Variants in ARHGAP26 observed in about 807,000 individuals in gnomAD.
ARHGAP26 encodes Rho GTPase activating protein 26.
In ARHGAP26, 38 loss-of-function variants were observed where a neutral mutation model predicts 104.8. The ratio of observed to expected loss-of-function variants is 0.36; its 90% CI spans 0.28 to 0.48. The LOEUF (loss-of-function observed/expected upper bound fraction) is 0.48. Ranked by LOEUF, ARHGAP26 falls within the 20% of genes least tolerant of loss-of-function variation. ARHGAP26 has a pLI of 0.99. For missense variants in ARHGAP26, 704 were observed against 947.9 expected, an observed-to-expected ratio of 0.74 and a Z score of 3.38; for synonymous variants, 341 against 340.0, an observed-to-expected ratio of 1.00 and a Z score of -0.03.
chr5:143,217,598 A>C (rs914189167), intron 22 of ARHGAP26, among the ~76,000 whole-genome samples: 6 of 152,204 alleles, frequency 3.9e-5, no homozygotes, highest in African/African-American at 1.4e-4. Flanking sequence ...GCACCACTAC[A>C]CAGCAGGCCT....
At chr5:142,773,833 C>G (rs904479761) in intron 1 of ARHGAP26, among the ~76,000 whole-genome samples, 1 of 152,134 alleles carries the variant, frequency 6.6e-6, no homozygotes, top group African/African-American at 2.4e-5. Flanking sequence ...GGCCAAAAAC[C>G]TGTTCTTGGT....
intron 1 of ARHGAP26, among the ~76,000 whole-genome samples, chr5:142,842,564 A>G (rs1248074738): frequency 1.3e-5 from 2 of 152,248 alleles, no homozygotes; most frequent in African/African-American, 4.8e-5. Flanking sequence ...TGTGTCGGGA[A>G]GGACTAGGAG....
intron 1 of ARHGAP26, among the ~76,000 whole-genome samples, chr5:142,788,082 C>T (rs1759031759): frequency 6.6e-6 from 1 of 151,418 alleles, no homozygotes; most frequent in Non-Finnish European, 1.5e-5. Context: ...CTCACTGCAA[C>T]CTCTGCCTTC....
intron 10 of ARHGAP26, among the ~76,000 whole-genome samples, chr5:142,914,313 G>A (rs1054801109): frequency 4.6e-5 from 7 of 152,228 alleles, no homozygotes; most frequent in Non-Finnish European, 7.3e-5. Context: ...GAAATTCGTG[G>A]AAACTAACTG....
intron 1 of ARHGAP26, among the ~76,000 whole-genome samples, chr5:142,832,342 T>C (rs1367092571): frequency 6.6e-6 from 1 of 152,172 alleles, no homozygotes; most frequent in African/African-American, 2.4e-5. Flanking sequence ...TATGATAGGA[T>C]TAGTGTCCTT....
At chr5:143,026,162 G>A (rs1470649595) in intron 12 of ARHGAP26, among the ~76,000 whole-genome samples, 1 of 152,208 alleles carries the variant, frequency 6.6e-6, no homozygotes, top group African/African-American at 2.4e-5. Flanking sequence ...CTCCTGGAAT[G>A]TGGAGACTTT....
intron 11 of ARHGAP26, among the ~76,000 whole-genome samples, chr5:142,998,530 C>A (rs1189400203): frequency 6.6e-6 from 1 of 152,124 alleles, no homozygotes; most frequent in African/African-American, 2.4e-5. Flanking sequence ...TTGCTCAGGT[C>A]CGGTGTGCTT....
intron 1 of ARHGAP26, among the ~76,000 whole-genome samples, chr5:142,782,047 G>A (rs1757626390): frequency 6.6e-6 from 1 of 152,188 alleles, no homozygotes; most frequent in South Asian, 2.1e-4. Context: ...AGATGATCAG[G>A]TGTGGATGAA....
intron 1 of ARHGAP26, among the ~76,000 whole-genome samples, chr5:142,790,283 T>G (rs1404487763): frequency 6.6e-6 from 1 of 152,208 alleles, no homozygotes; most frequent in African/African-American, 2.4e-5. Context: ...CTGAATGACC[T>G]TCCATTCTGG....
intron 1 of ARHGAP26, among the ~76,000 whole-genome samples, chr5:142,827,841 G>A (rs928506865): frequency 6.6e-6 from 1 of 152,224 alleles, no homozygotes; most frequent in Admixed American, 6.5e-5. Flanking sequence ...TCTGGCACAT[G>A]TAAATGCTCA....
chr5:143,183,012 A>G (rs906181193), intron 20 of ARHGAP26, among the ~76,000 whole-genome samples: 2 of 147,514 alleles, frequency 1.4e-5, no homozygotes, highest in South Asian at 2.2e-4. Context: ...CACGTTGACA[A>G]TGGGTTAGCT....
chr5:142,911,060 T>A (rs1761760947), intron 9 of ARHGAP26, among the ~76,000 whole-genome samples: 1 of 152,206 alleles, frequency 6.6e-6, no homozygotes, highest in Non-Finnish European at 1.5e-5. Flanking sequence ...TTCTCATAGC[T>A]TCAGATCTGG....
chr5:142,814,180 G>A (rs529524899), intron 1 of ARHGAP26, among the ~76,000 whole-genome samples: 19 of 152,366 alleles, frequency 1.2e-4, no homozygotes, highest in African/African-American at 4.3e-4. Context: ...GGAAGAATTT[G>A]TTGATAGTAA....
At chr5:142,994,920 A>G (rs907785076) in intron 11 of ARHGAP26, among the ~76,000 whole-genome samples, 4 of 152,254 alleles carry the variant, frequency 2.6e-5, no homozygotes, top group African/African-American at 9.6e-5. Flanking sequence ...AAAACAAACA[A>G]TGGGGGAAGG....
chr5:143,039,700 G>T (rs1299740713), intron 13 of ARHGAP26, among the ~76,000 whole-genome samples: 1 of 152,042 alleles, frequency 6.6e-6, no homozygotes, highest in African/African-American at 2.4e-5. Context: ...GTCTTCAGCA[G>T]CCAAAATCAA....
intron 1 of ARHGAP26, among the ~76,000 whole-genome samples, chr5:142,835,920 T>A (rs576380156): frequency 1.1e-4 from 16 of 152,360 alleles, no homozygotes; most frequent in African/African-American, 1.7e-4. Context: ...TTAGTTTTAG[T>A]ATTACACCCA....
rs940887620 is a variant in ARHGAP26, at chr5:143,222,552, G to A, written c.*106G>A. The A allele has an allele frequency of 1.1e-5, 9 of 838,768 alleles. No homozygotes were observed. In the African/African-American group the frequency reaches 1.2e-4, roughly 11 times the overall value. 52.0% of individuals were successfully genotyped at this position (838,768 alleles called of 1,614,324 possible). ...TGCCACTGAGAAATGCAGCGTGACT[G>A]ACTCTGTTGCTACCTGTCAACATGA... On this transcript the variant is annotated 3_prime_UTR_variant, in exon 23 of 23. Coordinates refer to ENST00000645722, the MANE Select transcript of ARHGAP26 (RefSeq NM_001135608.3).
At chr5:143,040,052 T>C (rs1307009994) in intron 13 of ARHGAP26, among the ~76,000 whole-genome samples, 3 of 152,202 alleles carry the variant, frequency 2.0e-5, no homozygotes, top group Non-Finnish European at 4.4e-5. Context: ...TCCCATACTC[T>C]CTGGGATTTG....
Position 143,211,246 on chromosome 5 carries a change from A to G in ARHGAP26, c.2100-2751A>G, listed in dbSNP as rs115002220. ...CCAGTTAAATTTGGATGGTAGATAA[A>G]CAACAAAAATTTTTTCATATATGTA... On this transcript the variant is annotated intron_variant, in intron 21 of 22. Transcript: ENST00000645722. 9.2e-3 allele frequency among the ~76,000 whole-genome samples: 1,399 copies of G among 152,334 alleles called. 8 individuals are homozygous for G. Among genetic ancestry groups the G allele is most frequent in the Non-Finnish European group, 0.015 (1,012 of 68,026 alleles).
Sources: gnomAD v4.1 joint callset for allele counts (sites outside exome capture counted in the v4.1 genomes callset) on GRCh38, gnomAD v4.1.1 for gene constraint, MANE v1.5 for transcripts, NCBI Gene and HGNC (gene_info 2026-07-23, HGNC 2026-07-21) for gene names.